The following LARGE1 variants were observed in gnomAD, a reference collection of about 807,000 sequenced individuals.
LARGE1 encodes the protein LARGE xylosyl- and glucuronyltransferase 1.
In LARGE1, 43 loss-of-function variants were observed where a neutral mutation model predicts 87.6. That is an observed-to-expected ratio of 0.49 (90% confidence interval 0.38 to 0.63). The LOEUF is 0.63. Among genes scored for constraint, LARGE1 ranks in the 30% least tolerant of loss-of-function variants. The probability of loss-of-function intolerance (pLI) is 0.00; values close to 1 mark genes in which losing one functional copy is unlikely to be tolerated. For synonymous variants in LARGE1, 434 were observed against 394.6 expected (o/e 1.10, Z -1.18); for missense variants, 802 against 1,000.2 (o/e 0.80, Z 2.67).
chr22:33,408,108 G>C (rs2066168637), intron 7 of LARGE1, among the ~76,000 whole-genome samples: 1 of 151,590 alleles, frequency 6.6e-6, no homozygotes, highest in Non-Finnish European at 1.5e-5. Flanking sequence ...AGCCTCCTAA[G>C]TAGCTGGGAT....
chr22:33,802,643 C>T (rs1352742911), intron 1 of LARGE1, among the ~76,000 whole-genome samples: 1 of 152,122 alleles, frequency 6.6e-6, no homozygotes, highest in Non-Finnish European at 1.5e-5. Context: ...ACAAGTAACT[C>T]TTATTTGTCA....
At chr22:33,526,070 A>G (rs1419097721) in intron 6 of LARGE1, among the ~76,000 whole-genome samples, 1 of 152,256 alleles carries the variant, frequency 6.6e-6, no homozygotes, top group African/African-American at 2.4e-5. Context: ...CAAATGTGGT[A>G]TATATCCATA....
intron 6 of LARGE1, among the ~76,000 whole-genome samples, chr22:33,467,111 C>A (rs1247082706): frequency 6.6e-6 from 1 of 152,224 alleles, no homozygotes; most frequent in African/African-American, 2.4e-5. Context: ...ATTGTTTCAA[C>A]TGTGTCTTCC....
intron 6 of LARGE1, among the ~76,000 whole-genome samples, chr22:33,515,982 A>AC (rs1439784421): frequency 6.6e-6 from 1 of 152,320 alleles, no homozygotes; most frequent in East Asian, 1.9e-4. Context: ...GAGCAACGCC[A>AC]CCGTGTCCAG....
At chr22:33,714,527 T>G (rs1401004680) in intron 2 of LARGE1, among the ~76,000 whole-genome samples, 2 of 152,214 alleles carry the variant, frequency 1.3e-5, no homozygotes, top group Non-Finnish European at 2.9e-5. Flanking sequence ...TAATAACTGC[T>G]TTAATCATAT....
intron 2 of LARGE1, among the ~76,000 whole-genome samples, chr22:33,700,834 T>C (rs1310012737): frequency 6.6e-6 from 1 of 152,076 alleles, no homozygotes; most frequent in Non-Finnish European, 1.5e-5. Context: ...CAATCTGCAG[T>C]AGTTTAGGTA....
chr22:33,298,380 G>C (rs772455832), intron 12 of LARGE1, among the ~76,000 whole-genome samples: 3 of 152,218 alleles, frequency 2.0e-5, no homozygotes, highest in Admixed American at 6.5e-5. Context: ...GGGCATTCCT[G>C]GGTGCTCTGC....
intron 6 of LARGE1, among the ~76,000 whole-genome samples, chr22:33,504,452 G>A (rs2070668024): frequency 6.6e-6 from 1 of 152,174 alleles, no homozygotes; most frequent in African/African-American, 2.4e-5. Context: ...TAGAGACAGG[G>A]TTTCACCACG....
chr22:33,569,609 C>G (rs550782476), intron 5 of LARGE1, among the ~76,000 whole-genome samples: 3 of 152,214 alleles, frequency 2.0e-5, no homozygotes, highest in Admixed American at 1.3e-4. Flanking sequence ...AATAGCTCAC[C>G]CTCTTAGAGA....
intron 11 of LARGE1, chr22:33,305,427 G>T: frequency 5.4e-6 from 1 of 186,200 alleles, no homozygotes; most frequent in Non-Finnish European, 1.0e-5. Flanking sequence ...GACGTCTGAA[G>T]ATAAATCTAT....
chr22:33,221,957 C>T (rs145116970), intron 11 of LARGE1, among the ~76,000 whole-genome samples: 3 of 152,196 alleles, frequency 2.0e-5, no homozygotes, highest in African/African-American at 7.2e-5. Context: ...TACATATCAA[C>T]TAAACATTTT....
Position 33,304,359 on chromosome 22 carries a change from C to T in LARGE1, c.1600G>A (p.Val534Met), listed in dbSNP as rs1428533575. 2.5e-6 allele frequency: 4 copies of T among 1,614,266 alleles called. No individual in the cohort carries two copies. Among genetic ancestry groups the T allele is most frequent in the East Asian group, 2.2e-5 (1 of 44,890 alleles). Residue 534 changes from valine (V) to methionine (M), a missense_variant, in exon 12 of 15, where the codon GTG (valine) becomes ATG (methionine). By Grantham distance (21) the Val-to-Met change is conservative. Transcript: ENST00000397394. ...MSRHNVGYHI[V>M]YKEGQFYPVN... ...GGGTAGAACTGGCCCTCCTTGTACA[C>T]GATGTGGTAGCCCACGTTGTGGCGG... is the stretch of plus-strand genomic sequence containing the variant.
At chr22:33,114,987 C>A in the LARGE1 span, among the ~76,000 whole-genome samples, 1 of 152,006 alleles carries the variant, frequency 6.6e-6, no homozygotes, top group Non-Finnish European at 1.5e-5. Context: ...ATATGCCTTA[C>A]CTTGGTCTAT....
At chr22:33,307,951 A>G (rs1241612218) in intron 11 of LARGE1, among the ~76,000 whole-genome samples, 1 of 151,890 alleles carries the variant, frequency 6.6e-6, no homozygotes, top group Non-Finnish European at 1.5e-5. Context: ...CTTTTGCTGG[A>G]TGAGTCCATG....
At chr22:33,581,679 G>T (rs1049708522) in intron 5 of LARGE1, among the ~76,000 whole-genome samples, 2 of 151,978 alleles carry the variant, frequency 1.3e-5, no homozygotes, top group Non-Finnish European at 2.9e-5. Context: ...GGGGGTGGTG[G>T]CACGTGCCTG....
chr22:33,087,945 A>T, the LARGE1 span, among the ~76,000 whole-genome samples: 2 of 152,164 alleles, frequency 1.3e-5, no homozygotes, highest in African/African-American at 4.8e-5. Flanking sequence ...ATAAACTAAA[A>T]TAAACTAAAA....
intron 1 of LARGE1, among the ~76,000 whole-genome samples, chr22:33,808,401 T>C (rs1341127626): frequency 6.6e-6 from 1 of 152,226 alleles, no homozygotes; most frequent in Non-Finnish European, 1.5e-5. Flanking sequence ...AAAAGAAAGA[T>C]GAAGCCTTGC....
chr22:33,577,558 C>T (rs1894449), intron 5 of LARGE1, among the ~76,000 whole-genome samples: 1 of 152,074 alleles, frequency 6.6e-6, no homozygotes, highest in South Asian at 2.1e-4. Flanking sequence ...TCCACTCTTA[C>T]CTCCGCCTTC....
chr22:33,718,640 T>C (rs1203385046), intron 2 of LARGE1, among the ~76,000 whole-genome samples: 1 of 152,260 alleles, frequency 6.6e-6, no homozygotes, highest in Non-Finnish European at 1.5e-5. Flanking sequence ...GTGCCTTCCC[T>C]ATCCTAACTC....
Sources: gnomAD v4.1 joint callset for allele counts (sites outside exome capture counted in the v4.1 genomes callset) on GRCh38, gnomAD v4.1.1 for gene constraint, MANE v1.5 for transcripts, NCBI Gene and HGNC (gene_info 2026-07-23, HGNC 2026-07-21) for gene names.